Variants in ITPR1 observed in about 807,000 individuals in gnomAD.
ITPR1 encodes the protein inositol 1,4,5-trisphosphate receptor type 1.
Under a neutral mutation model 318.4 loss-of-function variants are expected in ITPR1, and 96 were observed. The observed-to-expected ratio is 0.30, with a 90% CI of 0.26 to 0.36. The LOEUF is 0.36. ITPR1 is among the 10% of genes least tolerant of loss of function. ITPR1 has a pLI of 1.00. For missense variants in ITPR1, 2,440 were observed against 3,460.2 expected (o/e 0.71, Z 7.40); for synonymous variants, 1,312 against 1,289.9 (o/e 1.02, Z -0.37).
intron 52 of ITPR1, among the ~76,000 whole-genome samples, chr3:4,788,368 G>T (rs747164749): frequency 4.6e-5 from 7 of 152,176 alleles, no homozygotes; most frequent in Non-Finnish European, 1.0e-4. Context: ...AATTTGACTT[G>T]ATTTGATTGG....
At position 4,565,433 on chromosome 3, in the gene ITPR1, C is replaced by T. The variant is rs1280637277; in HGVS notation, c.163+44339C>T. Among the ~76,000 whole-genome samples the T allele has an allele frequency of 6.6e-5, 10 of 152,138 alleles. No homozygotes were observed. The East Asian group carries it at 1.9e-3, about 29-fold the overall frequency. On this transcript the variant is annotated intron_variant, in intron 4 of 61. Coordinates refer to ENST00000649015, the MANE Select transcript of ITPR1 (RefSeq NM_001378452.1). ...TCAATGCCTCCCTTGTTCTTTATCC[C>T]TGAGTTTATGTAATACGCAGCAGTA...
intron 4 of ITPR1, among the ~76,000 whole-genome samples, chr3:4,521,636 G>T (rs1041236608): frequency 7.9e-5 from 12 of 152,156 alleles, no homozygotes; most frequent in African/African-American, 2.9e-4. Flanking sequence ...GATTGCTAGA[G>T]CCTGGGAATT....
chr3:4,541,474 G>A (rs1357049497), intron 4 of ITPR1, among the ~76,000 whole-genome samples: 1 of 151,946 alleles, frequency 6.6e-6, no homozygotes, highest in Non-Finnish European at 1.5e-5. Flanking sequence ...TACTTTAGAG[G>A]AATCTCTGTC....
At chr3:4,701,684 C>A (rs2094655730) in intron 35 of ITPR1, among the ~76,000 whole-genome samples, 1 of 152,282 alleles carries the variant, frequency 6.6e-6, no homozygotes, top group Middle Eastern at 3.4e-3. Context: ...TGGATAATTT[C>A]TTTTATCCTT....
At chr3:4,543,570 G>A (rs903643749) in intron 4 of ITPR1, among the ~76,000 whole-genome samples, 1 of 152,238 alleles carries the variant, frequency 6.6e-6, no homozygotes, top group African/African-American at 2.4e-5. Flanking sequence ...AGCCTCCTGA[G>A]TAGCTGGGGC....
At chr3:4,668,569 G>A (rs1023484410) in intron 18 of ITPR1, among the ~76,000 whole-genome samples, 1 of 152,036 alleles carries the variant, frequency 6.6e-6, no homozygotes, top group East Asian at 1.9e-4. Context: ...CCGGGTTCAA[G>A]CAATTGTTCT....
At chr3:4,694,687 A>G (rs963878407) in intron 33 of ITPR1, among the ~76,000 whole-genome samples, 6 of 152,192 alleles carry the variant, frequency 3.9e-5, no homozygotes, top group African/African-American at 7.2e-5. Context: ...ACACAATTGT[A>G]TTTGTGTATG....
At chr3:4,599,019 T>C (rs1328103662) in intron 4 of ITPR1, among the ~76,000 whole-genome samples, 1 of 152,128 alleles carries the variant, frequency 6.6e-6, no homozygotes, top group African/African-American at 2.4e-5. Flanking sequence ...CTTTTTTTTT[T>C]TTTTCATCTT....
At chr3:4,635,536 G>A (rs539818233) in intron 5 of ITPR1, among the ~76,000 whole-genome samples, 4 of 151,878 alleles carry the variant, frequency 2.6e-5, no homozygotes, top group Admixed American at 2.0e-4. Context: ...TAGTAGAGAC[G>A]GGGTTTCCCT....
At chr3:4,568,993 A>AG (rs149518150) in intron 4 of ITPR1, among the ~76,000 whole-genome samples, 3,692 of 152,144 alleles carry the variant, frequency 0.024, 160 homozygotes, top group African/African-American at 0.084. Flanking sequence ...AAGAATGGGG[A>AG]GGGGTCACAC....
chr3:4,678,400 C>T (rs938594447), intron 24 of ITPR1, among the ~76,000 whole-genome samples: 1 of 151,998 alleles, frequency 6.6e-6, no homozygotes, highest in Non-Finnish European at 1.5e-5. Context: ...TTATCAGAAA[C>T]GACGCAGTGC....
At chr3:4,549,794 C>G (rs528717317) in intron 4 of ITPR1, among the ~76,000 whole-genome samples, 1 of 152,310 alleles carries the variant, frequency 6.6e-6, no homozygotes, top group South Asian at 2.1e-4. Flanking sequence ...TTAACTGTCT[C>G]TTTCTCTTGG....
chr3:4,768,776 G>C lies in ITPR1; in HGVS notation c.5979+12G>C. 1.9e-6 allele frequency: 3 copies of C among 1,603,546 alleles called. No individual in the cohort carries two copies. The highest frequency in any genetic ancestry group is 2.6e-6 in the Non-Finnish European group (3 of 1,171,982). On this transcript the variant is annotated intron_variant, in intron 46 of 61. Coordinates refer to ENST00000649015, the MANE Select transcript of ITPR1 (RefSeq NM_001378452.1). Reference sequence around the variant, plus strand: ...ACCGAGACCTGCAGGTGAGGGCCTGGGGGTGGGGGCGTGGAGGGAGCTCGG... The same window carrying C: ...ACCGAGACCTGCAGGTGAGGGCCTGCGGGTGGGGGCGTGGAGGGAGCTCGG...
chr3:4,820,238 G>A (rs528620752), intron 60 of ITPR1, among the ~76,000 whole-genome samples: 1 of 152,294 alleles, frequency 6.6e-6, no homozygotes, highest in Non-Finnish European at 1.5e-5. Context: ...CACAGATAAT[G>A]ACCTTCATTT....
At chr3:4,655,654 G>A (rs2093689595) in intron 12 of ITPR1, among the ~76,000 whole-genome samples, 1 of 152,148 alleles carries the variant, frequency 6.6e-6, no homozygotes, top group South Asian at 2.1e-4. Flanking sequence ...CGTTGAGAGT[G>A]GTCCAGACTC....
At chr3:4,618,289 C>G (rs1220938098) in intron 4 of ITPR1, among the ~76,000 whole-genome samples, 1 of 152,168 alleles carries the variant, frequency 6.6e-6, no homozygotes, top group African/African-American at 2.4e-5. Context: ...TTTCCAGAGG[C>G]AACAATTTCA....
At chr3:4,768,415 G>C in intron 45 of ITPR1, 96 bp from the exon 46 acceptor site, 1 of 1,373,992 alleles carries the variant, frequency 7.3e-7, no homozygotes, top group Non-Finnish European at 9.8e-7. Context: ...GTCTCTAGGA[G>C]ATAAAGGAAT....
At chr3:4,678,762 A>G (rs2094237186) in intron 24 of ITPR1, among the ~76,000 whole-genome samples, 1 of 152,106 alleles carries the variant, frequency 6.6e-6, no homozygotes, top group South Asian at 2.1e-4. Context: ...TGGAGAAACA[A>G]GGGCCCGTTC....
intron 4 of ITPR1, among the ~76,000 whole-genome samples, chr3:4,570,131 A>G (rs1163292491): frequency 6.6e-6 from 1 of 152,222 alleles, no homozygotes; most frequent in East Asian, 1.9e-4. Flanking sequence ...AAAAATGATT[A>G]GATTTCAAAC....
Sources: allele counts gnomAD v4.1 joint callset (sites outside exome capture counted in the v4.1 genomes callset), GRCh38; gene constraint gnomAD v4.1.1; transcripts MANE v1.5; gene names NCBI Gene and HGNC (gene_info 2026-07-23, HGNC 2026-07-21).